The following MYO5A variants were observed in gnomAD, a reference collection of about 807,000 sequenced individuals.
The protein encoded by MYO5A is unconventional myosin-Va.
A neutral mutation model predicts 249.7 loss-of-function variants in MYO5A; 98 were observed. The observed-to-expected ratio is 0.39, with a 90% CI of 0.33 to 0.46. MYO5A has a LOEUF of 0.46. Ranked by LOEUF, MYO5A falls within the 20% of genes least tolerant of loss-of-function variation. The pLI is 0.98. For missense variants in MYO5A, 1,696 were observed against 2,308.8 expected, an observed-to-expected ratio of 0.73 and a Z score of 5.44; for synonymous variants, 778 against 810.6, an observed-to-expected ratio of 0.96 and a Z score of 0.68.
At chr15:52,518,264 C>CAAAAAAAAA (rs36190580) in intron 1 of MYO5A, among the ~76,000 whole-genome samples, 1 of 107,824 alleles carries the variant, frequency 9.3e-6, no homozygotes, top group African/African-American at 3.5e-5. Context: ...ACCCCTCCCA[C>CAAAAAAAAA]AAAAAAAAAA....
At position 52,433,326 on chromosome 15, in the gene MYO5A, T is replaced by C. The variant is rs1394498161; in HGVS notation, c.28-41A>G. On this transcript the variant is annotated intron_variant, in intron 1 of 41. Transcript: ENST00000399233. ...AAAAAAATTTAAACTAGCAAATCAATTATTTTACAATCATATATAAACATA... is the reference window on the plus strand; with the variant it reads ...AAAAAAATTTAAACTAGCAAATCAACTATTTTACAATCATATATAAACATA... 7 of 1,182,788 alleles carry C rather than the reference T, an allele frequency of 5.9e-6. No individual in the cohort carries two copies. In the African/African-American group the frequency reaches 1.1e-4, roughly 18 times the overall value. 73.3% of individuals were successfully genotyped at this position (1,182,788 alleles called of 1,614,324 possible). A position where few individuals can be genotyped will look rare whatever the true frequency, so the allele number is the denominator to read the frequency against.
chr15:52,388,029 G>A (rs1374174396), intron 13 of MYO5A, 117 bp from the exon 14 acceptor site: 2 of 762,804 alleles, frequency 2.6e-6, no homozygotes, highest in Non-Finnish European at 4.4e-6. Context: ...CAGCAAACTG[G>A]TATTATCAGT....
intron 14 of MYO5A, among the ~76,000 whole-genome samples, chr15:52,385,884 A>C (rs1335182464): frequency 6.6e-6 from 1 of 152,188 alleles, no homozygotes; most frequent in Non-Finnish European, 1.5e-5. Flanking sequence ...TCCCCACTTC[A>C]ATGGAAACAA....
Position 52,477,336 on chromosome 15 carries a change from A to C in MYO5A, c.28-44051T>G, listed in dbSNP as rs564939067. Reference sequence around the variant, plus strand: ...TCTTGGCTTCTTTGCGATGGGTTTGAACATCCTCCTTTAGCTTGGAGAAGT... The same window carrying C: ...TCTTGGCTTCTTTGCGATGGGTTTGCACATCCTCCTTTAGCTTGGAGAAGT... On this transcript the variant is annotated intron_variant, in intron 1 of 41. Coordinates refer to ENST00000399233, the MANE Select transcript of MYO5A (RefSeq NM_001382347.1). Among the ~76,000 whole-genome samples, 31 of 152,220 alleles carry C rather than the reference A, an allele frequency of 2.0e-4. 1 individual carries two copies. The South Asian group carries it at 6.2e-3, about 31-fold the overall frequency.
At chr15:52,367,507 T>C (rs777721512) in intron 22 of MYO5A, among the ~76,000 whole-genome samples, 24 of 152,320 alleles carry the variant, frequency 1.6e-4, no homozygotes, top group Non-Finnish European at 2.8e-4. Flanking sequence ...CATTAAAAAA[T>C]TGCCTGGCAC....
intron 1 of MYO5A, among the ~76,000 whole-genome samples, chr15:52,499,096 C>T (rs2077100198): frequency 6.6e-6 from 1 of 152,144 alleles, no homozygotes; most frequent in African/African-American, 2.4e-5. Context: ...TTTAGTGGCC[C>T]AAAGTATCTC....
chr15:52,458,733 C>T (rs1595720196), intron 1 of MYO5A, among the ~76,000 whole-genome samples: 1 of 150,880 alleles, frequency 6.6e-6, no homozygotes, highest in East Asian at 1.9e-4. Flanking sequence ...TCACAGGTAC[C>T]TCACAAATAC....
At chr15:52,435,670 T>C (rs559510728) in intron 1 of MYO5A, 11 of 455,566 alleles carry the variant, frequency 2.4e-5, no homozygotes, top group South Asian at 1.7e-4. Flanking sequence ...CTAGATTTCA[T>C]GGCTGGTAAA....
chr15:52,321,686 A>T (rs745625605), intron 37 of MYO5A, among the ~76,000 whole-genome samples, 177 bp from the exon 38 acceptor site: 10 of 151,410 alleles, frequency 6.6e-5, no homozygotes, highest in Non-Finnish European at 1.5e-4. Flanking sequence ...TTCCATCATA[A>T]CCCCCTCCAG....
intron 23 of MYO5A, among the ~76,000 whole-genome samples, chr15:52,366,655 A>AAT (rs1236422817): frequency 6.7e-6 from 1 of 150,208 alleles, no homozygotes; most frequent in African/African-American, 2.4e-5. Context: ...AAAAAAAGAC[A>AAT]ATACACACAC....
chr15:52,460,914 G>A (rs570229111), intron 1 of MYO5A, among the ~76,000 whole-genome samples: 1 of 152,230 alleles, frequency 6.6e-6, no homozygotes, highest in South Asian at 2.1e-4. Flanking sequence ...TGTGGTCAAA[G>A]GAAAGTGCTC....
intron 1 of MYO5A, among the ~76,000 whole-genome samples, chr15:52,438,771 G>C (rs2032232910): frequency 6.6e-6 from 1 of 152,234 alleles, no homozygotes; most frequent in Non-Finnish European, 1.5e-5. Flanking sequence ...CCCTTTGTAT[G>C]GGAGCTCTGT....
In MYO5A at chr15:52,409,482, A is replaced by G. The variant is rs1178814704; in HGVS notation, c.756+851T>C. Among the ~76,000 whole-genome samples the G allele has an allele frequency of 2.6e-5, 4 of 152,200 alleles. No individual in the cohort carries two copies. The East Asian group carries it at 7.7e-4, about 29-fold the overall frequency. On this transcript the variant is annotated intron_variant, in intron 6 of 41. Coordinates refer to ENST00000399233, the MANE Select transcript of MYO5A (RefSeq NM_001382347.1). ...AAGTACTATATTTTAGGTGGCCACA[A>G]ATCAGGCACAGCCCCAAAGTCAAAG...
At position 52,368,250 on chromosome 15, in the gene MYO5A, C is replaced by T. The variant is rs147331284; in HGVS notation, c.3067-1126G>A. On this transcript the variant is annotated intron_variant, in intron 22 of 41. Transcript: ENST00000399233. ...ACATCAGTCCAGTAGGTATCCCTTC[C>T]GAGGGCTCAGTCTTTTCCCTCTGGA... Among the ~76,000 whole-genome samples, 53 of 152,234 alleles carry T rather than the reference C, an allele frequency of 3.5e-4. 1 individual carries two copies. Among genetic ancestry groups the T allele is most frequent in the African/African-American group, 1.2e-3 (50 of 41,540 alleles).
intron 21 of MYO5A, 146 bp from the exon 22 acceptor site, chr15:52,370,563 T>G: frequency 1.3e-6 from 1 of 797,346 alleles, no homozygotes; most frequent in African/African-American, 1.7e-5. Flanking sequence ...ACATTTGCAA[T>G]AGCACAACCA....
intron 1 of MYO5A, among the ~76,000 whole-genome samples, chr15:52,509,940 C>A (rs776384807): frequency 9.9e-5 from 15 of 152,196 alleles, no homozygotes; most frequent in Middle Eastern, 3.4e-3. Context: ...TTTAATGAGA[C>A]TATTATTCCA....
chr15:52,513,759 C>T (rs183936755), intron 1 of MYO5A, among the ~76,000 whole-genome samples: 193 of 152,200 alleles, frequency 1.3e-3, no homozygotes, highest in African/African-American at 4.5e-3. Context: ...TAGCCAATAA[C>T]TAGGCTGGGG....
rs374310255 is a variant in MYO5A at position 52,327,562 on chromosome 15, C to G, written c.4710+290G>C. ...GTCTCTACAAAACATAAAAAATTAG[C>G]TGGGCATGGTGGTGTGCAACTGTGG... On this transcript the variant is annotated intron_variant, in intron 36 of 41. Transcript: ENST00000399233. Among the ~76,000 whole-genome samples the G allele has an allele frequency of 5.3e-5, 8 of 152,078 alleles. No homozygotes were observed. The East Asian group carries it at 1.2e-3, about 22-fold the overall frequency.
chr15:52,465,767 C>A (rs1179436085), intron 1 of MYO5A, among the ~76,000 whole-genome samples: 1 of 152,100 alleles, frequency 6.6e-6, no homozygotes, highest in East Asian at 1.9e-4. Flanking sequence ...TGACTAGAGG[C>A]TTTTCTAGCA....
Sources: allele counts gnomAD v4.1 joint callset (sites outside exome capture counted in the v4.1 genomes callset), GRCh38; gene constraint gnomAD v4.1.1; transcripts MANE v1.5; gene names NCBI Gene and HGNC (gene_info 2026-07-23, HGNC 2026-07-21).